The following UBE3A variants were observed in gnomAD, a reference collection of about 807,000 sequenced individuals.
The protein encoded by UBE3A is ubiquitin protein ligase E3A, also known as ubiquitin-protein ligase E3A.
In UBE3A, 6 loss-of-function variants were observed where a neutral mutation model predicts 83.4. The observed-to-expected ratio is 0.07, with a 90% CI of 0.04 to 0.14. The LOEUF (loss-of-function observed/expected upper bound fraction) is 0.14, where lower values mean the gene tolerates loss of function less well. Among genes scored for constraint, UBE3A ranks in the 10% least tolerant of loss-of-function variants. The pLI is 1.00. For missense variants in UBE3A, 456 were observed against 1,036.1 expected (o/e 0.44, Z 7.69); for synonymous variants, 337 against 355.4 (o/e 0.95, Z 0.58).
intron 1 of UBE3A, among the ~76,000 whole-genome samples, chr15:25,437,633 T>C (rs1895504945): frequency 6.6e-6 from 1 of 152,222 alleles, no homozygotes; most frequent in South Asian, 2.1e-4. Context: ...AAACAGATTT[T>C]GGACTGTTAC....
chr15:25,378,148 A>T (rs746522891), intron 4 of UBE3A, among the ~76,000 whole-genome samples: 1 of 152,142 alleles, frequency 6.6e-6, no homozygotes, highest in Non-Finnish European at 1.5e-5. Context: ...TCTGATTTTT[A>T]AAAAAATTAC....
At chr15:25,356,454 C>T (rs923316574) in intron 8 of UBE3A, among the ~76,000 whole-genome samples, 1 of 152,130 alleles carries the variant, frequency 6.6e-6, no homozygotes, top group African/African-American at 2.4e-5. Flanking sequence ...TGTTTAGAAA[C>T]ACTTCTCTAT....
chr15:25,390,542 T>A (rs1012334638), intron 4 of UBE3A, among the ~76,000 whole-genome samples: 2 of 152,134 alleles, frequency 1.3e-5, no homozygotes, highest in African/African-American at 4.8e-5. Flanking sequence ...AAGGGCTATA[T>A]ACTGTATGAT....
chr15:25,413,194 TCTTA>T, intron 1 of UBE3A, among the ~76,000 whole-genome samples: 1 of 152,286 alleles, frequency 6.6e-6, no homozygotes, highest in African/African-American at 2.4e-5. Flanking sequence ...GACATAGTTC[TCTTA>T]CTTTATCTCT....
Position 25,409,206 on chromosome 15 carries a change from C to A in UBE3A, c.-99G>T. Reference sequence around the variant, plus strand: ...CTTGATCTGAGCGTAGGCTTAATAACTCTAATAAATTAAACAAACCTTTGG... The same window carrying A: ...CTTGATCTGAGCGTAGGCTTAATAAATCTAATAAATTAAACAAACCTTTGG... On this transcript the variant is annotated splice_region_variant and 5_prime_UTR_variant, in exon 3 of 13. Coordinates refer to ENST00000648336, the MANE Select transcript of UBE3A (RefSeq NM_130839.5). 2 of 1,158,874 alleles carry A rather than the reference C, an allele frequency of 1.7e-6. No individual in the cohort carries two copies. Among genetic ancestry groups the A allele is most frequent in the South Asian group, 1.4e-5 (1 of 70,418 alleles). The allele number at this position is 1,158,874 out of a possible 1,614,324, so 71.8% of individuals were successfully genotyped here. A position where few individuals can be genotyped will look rare whatever the true frequency, so the allele number is the denominator to read the frequency against.
chr15:25,353,956 C>T (rs902677324), intron 11 of UBE3A: 1 of 241,538 alleles, frequency 4.1e-6, no homozygotes, highest in African/African-American at 2.3e-5. Flanking sequence ...AAAAGACTAC[C>T]ATTTCACTCA....
At chr15:25,369,007 T>C (rs2079816179) in intron 6 of UBE3A, among the ~76,000 whole-genome samples, 1 of 152,094 alleles carries the variant, frequency 6.6e-6, no homozygotes, top group Non-Finnish European at 1.5e-5. Context: ...AAGCCAAACA[T>C]AAAGTATGTA....
intron 1 of UBE3A, among the ~76,000 whole-genome samples, chr15:25,428,725 A>T (rs1399279000): frequency 6.6e-6 from 1 of 152,232 alleles, no homozygotes. Context: ...CACATGCCTC[A>T]AATTAGTAAC....
chr15:25,376,973 A>G (rs975153702), intron 4 of UBE3A, among the ~76,000 whole-genome samples: 1 of 152,210 alleles, frequency 6.6e-6, no homozygotes. Flanking sequence ...TCAGTAGAAT[A>G]AACTACTGGA....
rs983425507 is a variant in UBE3A at position 25,370,435 on chromosome 15, A to G, written c.1608+131T>C. ...GGAACAACAAAAGTATAATACTTAT[A>G]TAAGATCAGAAATGTCCATGTGTTC... is the stretch of plus-strand genomic sequence containing the variant. On this transcript the variant is annotated intron_variant, in intron 6 of 12. Transcript: ENST00000648336. The surrounding 1 kb of genome is among the most constrained non-coding windows in gnomAD (Gnocchi z 4.2). 1.7e-5 allele frequency: 18 copies of G among 1,086,446 alleles called. No individual in the cohort carries two copies. The highest frequency in any genetic ancestry group is 3.6e-5 in the Admixed American group (2 of 55,526). The allele number at this position is 1,086,446 out of a possible 1,614,324, so 67.3% of individuals were successfully genotyped here. A position where few individuals can be genotyped will look rare whatever the true frequency, so the allele number is the denominator to read the frequency against.
chr15:25,410,038 ATGCTAAATGACGAGTTAATGGG>A (rs1476034826), intron 2 of UBE3A, among the ~76,000 whole-genome samples: 4 of 152,088 alleles, frequency 2.6e-5, no homozygotes, highest in African/African-American at 9.7e-5. Context: ...AATATACCTA[ATGCTAAATGACGAGTTAATGGG>A]TGCAGCACAC....
chr15:25,344,890 C>G lies in UBE3A; in HGVS notation c.2355-4662G>C, dbSNP rs550093800. ...ATTAAGGTAATGATACTGATAAATACGAAAATCAGGTGAAGGGCAGGTAGC... is the reference window on the plus strand; with the variant it reads ...ATTAAGGTAATGATACTGATAAATAGGAAAATCAGGTGAAGGGCAGGTAGC... On this transcript the variant is annotated intron_variant, in intron 11 of 12. Transcript: ENST00000648336. Among the ~76,000 whole-genome samples, 4 of 152,010 alleles carry G rather than the reference C, an allele frequency of 2.6e-5. No homozygotes were observed. In the South Asian group the frequency reaches 8.3e-4, roughly 32 times the overall value.
Position 25,371,944 on chromosome 15 carries a change from G to T in UBE3A, c.362-132C>A. 1.1e-6 allele frequency: 1 copy of T among 932,578 alleles called. No homozygotes were observed. The highest frequency in any genetic ancestry group is 1.6e-6 in the Non-Finnish European group (1 of 639,730). The allele number at this position is 932,578 out of a possible 1,614,324, so 57.8% of individuals were successfully genotyped here. Reference sequence around the variant, plus strand: ...TCATTTATGATATACAACTCTTAAAGTATCTAATACTTAGATTCAGCAAAC... The same window carrying T: ...TCATTTATGATATACAACTCTTAAATTATCTAATACTTAGATTCAGCAAAC... On this transcript the variant is annotated intron_variant, in intron 5 of 12. Transcript: ENST00000648336. This position sits in a 1 kb window ranked among gnomAD's most constrained non-coding sequence, Gnocchi z 5.3.
intron 1 of UBE3A, among the ~76,000 whole-genome samples, chr15:25,420,474 G>A (rs1240351189): frequency 1.3e-5 from 2 of 152,018 alleles, no homozygotes; most frequent in Non-Finnish European, 2.9e-5. Flanking sequence ...TAAGGATACA[G>A]AAGAAATACA....
chr15:25,378,910 A>C (rs546123641), intron 4 of UBE3A, among the ~76,000 whole-genome samples: 8 of 152,238 alleles, frequency 5.3e-5, no homozygotes, highest in African/African-American at 1.9e-4. Context: ...ATTTCTCTCT[A>C]ATTTGTTGAG....
At chr15:25,406,205 A>C (rs1436698891) in intron 3 of UBE3A, among the ~76,000 whole-genome samples, 1 of 152,224 alleles carries the variant, frequency 6.6e-6, no homozygotes, top group Non-Finnish European at 1.5e-5. Context: ...CTTAAATCAG[A>C]TACAACATTC....
chr15:25,399,079 G>A (rs2086457229), intron 4 of UBE3A, among the ~76,000 whole-genome samples: 1 of 151,596 alleles, frequency 6.6e-6, no homozygotes, highest in African/African-American at 2.4e-5. Context: ...AGATGTCTGA[G>A]TTCCTTATAT....
rs368658686 is a variant in UBE3A at position 25,408,772 on chromosome 15, T to G, written c.20+316A>C. ...TAAAACGTTCACCACATAAAAGGCATACTTTAAAATGCATATTAAGAAATT... is the reference window on the plus strand; with the variant it reads ...TAAAACGTTCACCACATAAAAGGCAGACTTTAAAATGCATATTAAGAAATT... On this transcript the variant is annotated intron_variant, in intron 3 of 12. Coordinates refer to ENST00000648336, the MANE Select transcript of UBE3A (RefSeq NM_130839.5). The G allele has an allele frequency of 4.5e-5, 48 of 1,066,564 alleles. No individual in the cohort carries two copies. In the East Asian group the frequency reaches 4.5e-4, roughly 10 times the overall value. 66.1% of individuals were successfully genotyped at this position (1,066,564 alleles called of 1,614,324 possible). A position where few individuals can be genotyped will look rare whatever the true frequency, so the allele number is the denominator to read the frequency against.
chr15:25,404,784 A>T (rs1309271791), intron 4 of UBE3A, among the ~76,000 whole-genome samples: 1 of 152,114 alleles, frequency 6.6e-6, no homozygotes, highest in Non-Finnish European at 1.5e-5. Context: ...TTATGATCTA[A>T]AAGTCCTCAA....
Sources: allele counts gnomAD v4.1 joint callset (sites outside exome capture counted in the v4.1 genomes callset), GRCh38; gene constraint gnomAD v4.1.1; non-coding constraint Gnocchi (gnomAD v3.1); transcripts MANE v1.5; gene names NCBI Gene and HGNC (gene_info 2026-07-23, HGNC 2026-07-21).